SNX29: variants seen among roughly 807,000 people sequenced by gnomAD.
SNX29 encodes sorting nexin-29.
Under a neutral mutation model 102.1 loss-of-function variants are expected in SNX29, and 78 were observed. The observed-to-expected ratio is 0.76, with a 90% CI of 0.64 to 0.92. The LOEUF is 0.92. SNX29 is among the 40% of genes least tolerant of loss of function. SNX29 has a pLI of 0.00. For synonymous variants in SNX29, 580 were observed against 414.5 expected (o/e 1.40, Z -4.85); for missense variants, 1,280 against 1,061.7 (o/e 1.21, Z -2.86).
intron 20 of SNX29, among the ~76,000 whole-genome samples, chr16:12,564,803 A>G (rs1471975222): frequency 6.6e-6 from 1 of 151,022 alleles, no homozygotes; most frequent in African/African-American, 2.4e-5. Context: ...TGGTGTTGTC[A>G]TTCCAGAAGT....
intron 20 of SNX29, among the ~76,000 whole-genome samples, chr16:12,535,454 C>CCTTT (rs1175196945): frequency 6.6e-6 from 1 of 152,146 alleles, no homozygotes. Context: ...ATTAACACAT[C>CCTTT]CTTTCTTTGA....
chr16:12,544,561 A>G (rs960986033), intron 20 of SNX29, among the ~76,000 whole-genome samples: 2 of 152,136 alleles, frequency 1.3e-5, no homozygotes, highest in African/African-American at 4.8e-5. Context: ...TGTTACAGTG[A>G]TGGATTCATT....
At chr16:12,164,663 A>C (rs901029725) in intron 13 of SNX29, among the ~76,000 whole-genome samples, 10 of 146,378 alleles carry the variant, frequency 6.8e-5, no homozygotes, top group African/African-American at 2.5e-4. Context: ...AATTCATATA[A>C]GTGTGTTTAT....
At chr16:12,547,577 C>A (rs894485203) in intron 20 of SNX29, among the ~76,000 whole-genome samples, 2 of 151,942 alleles carry the variant, frequency 1.3e-5, no homozygotes, top group Non-Finnish European at 2.9e-5. Flanking sequence ...CCCTCCCTCA[C>A]GAGGATTAAA....
At chr16:12,233,106 TTTG>T (rs2077819472) in intron 14 of SNX29, among the ~76,000 whole-genome samples, 1 of 151,318 alleles carries the variant, frequency 6.6e-6, no homozygotes, top group African/African-American at 2.5e-5. Flanking sequence ...CTTCTTTGTC[TTTG>T]TCTTCCTCCT....
intron 13 of SNX29, among the ~76,000 whole-genome samples, chr16:12,199,052 A>G (rs1447854696): frequency 6.6e-6 from 1 of 152,152 alleles, no homozygotes; most frequent in Non-Finnish European, 1.5e-5. Context: ...GAGTTGGTCC[A>G]ACTGCTTGTC....
chr16:12,077,741 C>G (rs555999412), intron 10 of SNX29, among the ~76,000 whole-genome samples: 2 of 152,236 alleles, frequency 1.3e-5, no homozygotes, highest in African/African-American at 4.8e-5. Context: ...CTGCCTCAGC[C>G]TCCCAAGTAG....
chr16:12,353,210 G>A (rs1396434753), intron 15 of SNX29, among the ~76,000 whole-genome samples: 2 of 152,146 alleles, frequency 1.3e-5, no homozygotes, highest in African/African-American at 4.8e-5. Context: ...GCAACTCTGT[G>A]GTGCTCTTGC....
intron 11 of SNX29, chr16:12,089,770 TC>T (rs1393230355): frequency 3.1e-6 from 1 of 325,920 alleles, no homozygotes; most frequent in South Asian, 2.4e-5. Flanking sequence ...TTTACTCACT[TC>T]CTCTTGCGAA....
At chr16:12,263,554 GGGTCTGGCATGTGTACA>G (rs1250744891) in intron 14 of SNX29, among the ~76,000 whole-genome samples, 3 of 152,118 alleles carry the variant, frequency 2.0e-5, no homozygotes, top group Non-Finnish European at 4.4e-5. Context: ...TGACATGCAG[GGGTCTGGCATGTGTACA>G]ACAGGGCCAT....
intron 15 of SNX29, among the ~76,000 whole-genome samples, chr16:12,298,162 T>A (rs1211467768): frequency 6.6e-6 from 1 of 152,218 alleles, no homozygotes; most frequent in East Asian, 1.9e-4. Flanking sequence ...AGAGCGAGAC[T>A]CTGTTTCAGA....
chr16:12,451,540 G>C (rs929652149), intron 18 of SNX29, among the ~76,000 whole-genome samples: 1 of 152,246 alleles, frequency 6.6e-6, no homozygotes, highest in Non-Finnish European at 1.5e-5. Context: ...AACAGAAATA[G>C]GAAAGGCTGC....
intron 14 of SNX29, among the ~76,000 whole-genome samples, chr16:12,266,259 TCAA>T (rs1320920290): frequency 1.3e-5 from 2 of 152,116 alleles, no homozygotes; most frequent in Admixed American, 6.6e-5. Flanking sequence ...CACACCGCTC[TCAA>T]CACACCATTT....
rs145381313 is a variant in SNX29 at position 12,571,312 on chromosome 16, A to T, written c.*2683A>T. Reference sequence around the variant, plus strand: ...AATTCCACACCCTGGAAATGTGTCAACTGCCTGTCAGCCTGGATTCAATTC... The same window carrying T: ...AATTCCACACCCTGGAAATGTGTCATCTGCCTGTCAGCCTGGATTCAATTC... On this transcript the variant is annotated 3_prime_UTR_variant, in exon 21 of 21. Transcript: ENST00000566228. 108 of 232,180 alleles carry T rather than the reference A, an allele frequency of 4.7e-4. 1 individual carries two copies. The highest frequency in any genetic ancestry group is 2.1e-3 in the African/African-American group (96 of 45,406). 14.4% of individuals were successfully genotyped at this position (232,180 alleles called of 1,614,324 possible). A position where few individuals can be genotyped will look rare whatever the true frequency, so the allele number is the denominator to read the frequency against.
At chr16:12,432,744 A>T (rs184012716) in intron 18 of SNX29, among the ~76,000 whole-genome samples, 1 of 152,184 alleles carries the variant, frequency 6.6e-6, no homozygotes, top group African/African-American at 2.4e-5. Flanking sequence ...GAGGGAAAAA[A>T]AGTTGACGAG....
At position 12,573,601 on chromosome 16, in the gene SNX29, T is replaced by G. The variant is rs2079232148; in HGVS notation, c.*4972T>G. On this transcript the variant is annotated 3_prime_UTR_variant, in exon 21 of 21. Transcript: ENST00000566228. The stretch of plus-strand genomic sequence containing the variant: ...GGCTTCCCCCACTTCCCCTCAAATT[T>G]TCTCAGCTCTGCCGCTGGTCTCCAT... 4.5e-6 allele frequency: 1 copy of G among 221,450 alleles called. No homozygotes were observed. The highest frequency in any genetic ancestry group is 9.0e-6 in the Non-Finnish European group (1 of 110,624). The allele number at this position is 221,450 out of a possible 1,614,324, so 13.7% of individuals were successfully genotyped here. A position where few individuals can be genotyped will look rare whatever the true frequency, so the allele number is the denominator to read the frequency against.
chr16:12,005,223 G>T (rs1489213980), intron 3 of SNX29, among the ~76,000 whole-genome samples: 1 of 152,170 alleles, frequency 6.6e-6, no homozygotes, highest in African/African-American at 2.4e-5. Flanking sequence ...GATCAATTTA[G>T]TCCTTCTTGA....
At chr16:12,347,717 TC>T (rs771808381) in intron 15 of SNX29, among the ~76,000 whole-genome samples, 1 of 152,096 alleles carries the variant, frequency 6.6e-6, no homozygotes, top group Non-Finnish European at 1.5e-5. Flanking sequence ...GAGAACTCTT[TC>T]ATCCCTTTGT....
chr16:12,196,755 G>C (rs558595309), intron 13 of SNX29, among the ~76,000 whole-genome samples: 1 of 151,848 alleles, frequency 6.6e-6, no homozygotes, highest in Non-Finnish European at 1.5e-5. Context: ...TTAGTAGCTG[G>C]GATTACAGGC....
Sources: gnomAD v4.1 joint callset for allele counts (sites outside exome capture counted in the v4.1 genomes callset) on GRCh38, gnomAD v4.1.1 for gene constraint, MANE v1.5 for transcripts, NCBI Gene and HGNC (gene_info 2026-07-23, HGNC 2026-07-21) for gene names.